The following F10 variants were observed in gnomAD, a reference collection of about 807,000 sequenced individuals.
F10 encodes Stuart-Prower factor.
In F10, 29 loss-of-function variants were observed where a neutral mutation model predicts 37.1. The observed-to-expected ratio is 0.78, with a 90% CI of 0.58 to 1.07. The LOEUF (loss-of-function observed/expected upper bound fraction) is 1.07. F10 is among the 50% of genes least tolerant of loss of function. The pLI, the probability that F10 is intolerant of heterozygous loss-of-function variation, is 0.00. For missense variants in F10, 539 were observed against 667.9 expected (o/e 0.81, Z 2.13); for synonymous variants, 262 against 268.6 (o/e 0.98, Z 0.24).
Position 113,141,676 on chromosome 13 carries a change from G to A in F10, c.502+626G>A, listed in dbSNP as rs576447382. Among the ~76,000 whole-genome samples the A allele has an allele frequency of 2.0e-5, 3 of 152,318 alleles. No individual in the cohort carries two copies. The highest frequency in any genetic ancestry group is 2.1e-4 in the South Asian group (1 of 4,826). On this transcript the variant is annotated intron_variant, in intron 5 of 7. Coordinates refer to ENST00000375559, the MANE Select transcript of F10 (RefSeq NM_000504.4). The surrounding 1 kb of genome is among the most constrained non-coding windows in gnomAD (Gnocchi z 5.4). Reference sequence around the variant, plus strand: ...TCCTGACCCCGTGGGCATTGCCTACGCTGGGCTTGCCTGGCTGCCGGCACT... The same window carrying A: ...TCCTGACCCCGTGGGCATTGCCTACACTGGGCTTGCCTGGCTGCCGGCACT...
intron 1 of F10, among the ~76,000 whole-genome samples, chr13:113,123,325 G>A (rs767027506): frequency 2.0e-5 from 3 of 152,198 alleles, no homozygotes; most frequent in Non-Finnish European, 4.4e-5. Context: ...ACCACAGGGA[G>A]GCACAGGACG....
intron 1 of F10, 57 bp downstream of exon 1, chr13:113,122,982 G>A: frequency 6.3e-7 from 1 of 1,575,338 alleles, no homozygotes; most frequent in Admixed American, 1.7e-5. Flanking sequence ...GGGAGGGGCG[G>A]CAGTTGGGGA....
At chr13:113,122,973 G>T in intron 1 of F10, 48 bp downstream of exon 1, 2 of 1,593,826 alleles carry the variant, frequency 1.3e-6, no homozygotes, top group East Asian at 2.2e-5. Context: ...CAGGGAGCAG[G>T]GAGGGGCGGC....
At position 113,143,480 on chromosome 13, in the gene F10, C is replaced by T. The variant is rs771011359; in HGVS notation, c.503-371C>T. Among the ~76,000 whole-genome samples, 2 of 152,174 alleles carry T rather than the reference C, an allele frequency of 1.3e-5. No homozygotes were observed. The highest frequency in any genetic ancestry group is 6.5e-5 in the Admixed American group (1 of 15,276). Reference sequence around the variant, plus strand: ...CTTGGGTTCTCCTGTTGGCATCCTCCGGCCAGATGCATTCATCCCATTTCG... The same window carrying T: ...CTTGGGTTCTCCTGTTGGCATCCTCTGGCCAGATGCATTCATCCCATTTCG... On this transcript the variant is annotated intron_variant, in intron 5 of 7. Transcript: ENST00000375559. The surrounding 1 kb of genome is among the most constrained non-coding windows in gnomAD (Gnocchi z 6.8).
At chr13:113,129,904 A>T in intron 2 of F10, 1 of 442,392 alleles carries the variant, frequency 2.3e-6, no homozygotes. Context: ...TTTAAAAATA[A>T]AATGTTAACC....
intron 1 of F10, among the ~76,000 whole-genome samples, chr13:113,124,623 G>C (rs2036353118): frequency 6.6e-6 from 1 of 152,248 alleles, no homozygotes; most frequent in African/African-American, 2.4e-5. Context: ...GCACACTTTT[G>C]ATTTTAATAA....
rs570401975 is a variant in F10 at position 113,143,758 on chromosome 13, C to T, written c.503-93C>T. On this transcript the variant is annotated intron_variant, in intron 5 of 7. Coordinates refer to ENST00000375559, the MANE Select transcript of F10 (RefSeq NM_000504.4). The surrounding 1 kb of genome is among the most constrained non-coding windows in gnomAD (Gnocchi z 6.8). ...CCGGGTGCCCCTGCGCTCTGCCTCC[C>T]GGCTCTCTGACTCTTCTCCCTCAGG... 4.8e-5 allele frequency: 76 copies of T among 1,583,390 alleles called. No individual in the cohort carries two copies. The highest frequency in any genetic ancestry group is 4.8e-4 in the South Asian group (43 of 89,712).
chr13:113,138,321 G>C (rs1440934775), intron 2 of F10, 136 bp from the exon 3 acceptor site: 2 of 544,496 alleles, frequency 3.7e-6, no homozygotes, highest in Non-Finnish European at 6.6e-6. Flanking sequence ...AATAGTTCTA[G>C]AACAATTCAT....
intron 4 of F10, 65 bp from the exon 5 acceptor site, chr13:113,140,854 C>A: frequency 6.2e-7 from 1 of 1,612,002 alleles, no homozygotes; most frequent in South Asian, 1.1e-5. Flanking sequence ...TAGCTGGCAC[C>A]CTTGGGCCAG....
chr13:113,146,639 A>C lies in F10; in HGVS notation c.748-740A>C, dbSNP rs145139605. Among the ~76,000 whole-genome samples the C allele has an allele frequency of 6.6e-6, 1 of 152,300 alleles. No individual in the cohort carries two copies. Among genetic ancestry groups the C allele is most frequent in the African/African-American group, 2.4e-5 (1 of 41,570 alleles). On this transcript the variant is annotated intron_variant, in intron 6 of 7. Transcript: ENST00000375559. The surrounding 1 kb of genome is among the most constrained non-coding windows in gnomAD (Gnocchi z 4.5). ...ACAAATTATGCAAAAAAGAGGCAAA[A>C]ACATGACCCCTTTTCTAGCCATGAA... is the stretch of plus-strand genomic sequence containing the variant.
chr13:113,148,665 G>A (rs1186045696), intron 7 of F10, among the ~76,000 whole-genome samples: 1 of 152,052 alleles, frequency 6.6e-6, no homozygotes, highest in African/African-American at 2.4e-5. Context: ...CGATGCACCC[G>A]CCAAAGGACA....
chr13:113,138,498 T>C lies in F10; in HGVS notation c.256+17T>C. 1 of 1,380,286 alleles carries C rather than the reference T, an allele frequency of 7.2e-7. No individual in the cohort carries two copies. The highest frequency in any genetic ancestry group is 1.0e-6 in the Non-Finnish European group (1 of 972,012). 85.5% of individuals were successfully genotyped at this position (1,380,286 alleles called of 1,614,324 possible). A position where few individuals can be genotyped will look rare whatever the true frequency, so the allele number is the denominator to read the frequency against. On this transcript the variant is annotated intron_variant, in intron 3 of 7. Coordinates refer to ENST00000375559, the MANE Select transcript of F10 (RefSeq NM_000504.4). The stretch of plus-strand genomic sequence containing the variant: ...AATACAAAGGTCAGTATTTTTTCTG[T>C]TTTAACCTTCAGTGAGAGGGGTTCA...
At position 113,149,019 on chromosome 13, in the gene F10, C is replaced by T. The variant is rs1176698679; in HGVS notation, c.969C>T (p.Ile323=). Residue 323 remains isoleucine (I), a synonymous_variant, in exon 8 of 8, where the codon ATC becomes ATT. Transcript: ENST00000375559. The surrounding 1 kb of genome is among the most constrained non-coding windows in gnomAD (Gnocchi z 7.5). ...CAAAGGAGACCTATGACTTCGACAT[C>T]GCCGTGCTCCGGCTCAAGACCCCCA... is the stretch of plus-strand genomic sequence containing the variant. The part of the protein sequence containing the change: ...RFTKETYDFD[I]AVLRLKTPIT... The T allele has an allele frequency of 6.2e-7, 1 of 1,613,500 alleles. No homozygotes were observed. Among genetic ancestry groups the T allele is most frequent in the Non-Finnish European group, 8.5e-7 (1 of 1,180,032 alleles).
rs531495857 is a variant in F10 at position 113,137,764 on chromosome 13, G to C, written c.232-693G>C. 6.3e-4 allele frequency among the ~76,000 whole-genome samples: 96 copies of C among 152,208 alleles called. 1 individual carries two copies. The highest frequency in any genetic ancestry group is 2.3e-3 in the African/African-American group (95 of 41,540). ...CTGTCTCTGCTTTCATCTTCGCATG[G>C]CCTTCTCTCTCTGTGCCTCTGTGTG... On this transcript the variant is annotated intron_variant, in intron 2 of 7. Coordinates refer to ENST00000375559, the MANE Select transcript of F10 (RefSeq NM_000504.4).
chr13:113,126,810 G>A (rs2036375099), intron 1 of F10, among the ~76,000 whole-genome samples: 1 of 152,224 alleles, frequency 6.6e-6, no homozygotes, highest in African/African-American at 2.4e-5. Flanking sequence ...GTCTGAGGCT[G>A]TGGTCATCCC....
chr13:113,148,345 A>AAAAAAAATATATAT (rs1300922846), intron 7 of F10, among the ~76,000 whole-genome samples: 1 of 95,432 alleles, frequency 1.0e-5, no homozygotes, highest in African/African-American at 4.0e-5. Context: ...AAAAAAAAAA[A>AAAAAAAATATATAT]ATATATATAT....
In F10 at chr13:113,145,695, G is replaced by A. The variant is rs560614973; in HGVS notation, c.747+1600G>A. Among the ~76,000 whole-genome samples, 13 of 152,278 alleles carry A rather than the reference G, an allele frequency of 8.5e-5. No homozygotes were observed. In the South Asian group the frequency reaches 1.2e-3, roughly 15 times the overall value. On this transcript the variant is annotated intron_variant, in intron 6 of 7. Transcript: ENST00000375559. ...GGAGGCCTCACCGTCACGGTGGAAGGCGCAAGGCACGTCTTACATGGCGGC... is the reference window on the plus strand; with the variant it reads ...GGAGGCCTCACCGTCACGGTGGAAGACGCAAGGCACGTCTTACATGGCGGC...
rs537730207 is a variant in F10 at position 113,130,003 on chromosome 13, T to G, written c.231+391T>G. On this transcript the variant is annotated intron_variant, in intron 2 of 7. Transcript: ENST00000375559. Reference sequence around the variant, plus strand: ...CCTCCCACGCCCGCAGCCCGCGTCCTGCCTTGGCCTCCGTAGTCGCTGAGA... The same window carrying G: ...CCTCCCACGCCCGCAGCCCGCGTCCGGCCTTGGCCTCCGTAGTCGCTGAGA... The G allele has an allele frequency of 6.1e-4, 206 of 337,998 alleles. 2 individuals are homozygous for G. The highest frequency in any genetic ancestry group is 5.0e-3 in the South Asian group (206 of 41,328). The allele number at this position is 337,998 out of a possible 1,614,324, so 20.9% of individuals were successfully genotyped here. A position where few individuals can be genotyped will look rare whatever the true frequency, so the allele number is the denominator to read the frequency against.
intron 6 of F10, among the ~76,000 whole-genome samples, chr13:113,145,045 A>G (rs2036569306): frequency 6.6e-6 from 1 of 151,864 alleles, no homozygotes; most frequent in Non-Finnish European, 1.5e-5. Context: ...CGCCCAGCTA[A>G]TTTTTTTTGT....
Sources: allele counts gnomAD v4.1 joint callset (sites outside exome capture counted in the v4.1 genomes callset), GRCh38; gene constraint gnomAD v4.1.1; non-coding constraint Gnocchi (gnomAD v3.1); transcripts MANE v1.5; gene names NCBI Gene and HGNC (gene_info 2026-07-23, HGNC 2026-07-21).